Variants in CDK17 observed in about 807,000 individuals in gnomAD.
CDK17 encodes the protein cyclin-dependent kinase 17.
A neutral mutation model predicts 77.6 loss-of-function variants in CDK17; 24 were observed. The ratio of observed to expected loss-of-function variants is 0.31; its 90% CI spans 0.22 to 0.44. CDK17 has a LOEUF of 0.44. Among genes scored for constraint, CDK17 ranks in the 20% least tolerant of loss-of-function variants. The pLI is 1.00. For synonymous variants in CDK17, 203 were observed against 210.4 expected, an observed-to-expected ratio of 0.96 and a Z score of 0.30; for missense variants, 429 against 622.5, an observed-to-expected ratio of 0.69 and a Z score of 3.31.
chr12:96,311,237 C>A, intron 4 of CDK17, 60 bp from the exon 5 acceptor site: 1 of 1,356,876 alleles, frequency 7.4e-7, no homozygotes. Context: ...CTTTTGTATT[C>A]ACAGGCTCTA....
intron 5 of CDK17, among the ~76,000 whole-genome samples, chr12:96,309,481 A>G (rs1952619411): frequency 6.6e-6 from 1 of 152,256 alleles, no homozygotes; most frequent in African/African-American, 2.4e-5. Context: ...AATTTACATT[A>G]AAGTGATACT....
chr12:96,291,281 G>A (rs1047432138), intron 10 of CDK17, among the ~76,000 whole-genome samples: 1 of 152,096 alleles, frequency 6.6e-6, no homozygotes, highest in African/African-American at 2.4e-5. Context: ...CCTGATAAAA[G>A]TAGTTGTTGT....
intron 1 of CDK17, among the ~76,000 whole-genome samples, chr12:96,388,628 T>C (rs1167315746): frequency 2.0e-5 from 3 of 152,214 alleles, no homozygotes; most frequent in Non-Finnish European, 4.4e-5. Flanking sequence ...CCACTACCAA[T>C]AGTTCTTATT....
intron 2 of CDK17, among the ~76,000 whole-genome samples, chr12:96,331,851 T>C (rs370875824): frequency 1.3e-5 from 2 of 152,190 alleles, no homozygotes; most frequent in African/African-American, 2.4e-5. Flanking sequence ...TGATCATGCC[T>C]GTGACTAATC....
intron 5 of CDK17, among the ~76,000 whole-genome samples, chr12:96,304,792 G>A (rs1264262889): frequency 6.6e-6 from 1 of 152,066 alleles, no homozygotes; most frequent in Non-Finnish European, 1.5e-5. Context: ...AATTCTGTGG[G>A]ACTTTGAACC....
intron 1 of CDK17, among the ~76,000 whole-genome samples, chr12:96,335,870 G>C (rs1953034176): frequency 6.6e-6 from 1 of 152,134 alleles, no homozygotes; most frequent in African/African-American, 2.4e-5. Flanking sequence ...TGGCTTACCA[G>C]ATTGCCATGC....
intron 1 of CDK17, among the ~76,000 whole-genome samples, chr12:96,352,237 A>G (rs1443613116): frequency 6.6e-6 from 1 of 152,140 alleles, no homozygotes; most frequent in African/African-American, 2.4e-5. Context: ...AGGCGATGGG[A>G]CCACAGAATG....
Position 96,286,166 on chromosome 12 carries a change from ATT to A in CDK17, c.1217-20_1217-19del. 2.8e-6 allele frequency: 2 copies of A among 703,572 alleles called. No homozygotes were observed. The highest frequency in any genetic ancestry group is 2.1e-6 in the Non-Finnish European group (1 of 481,126). 43.6% of individuals were successfully genotyped at this position (703,572 alleles called of 1,614,324 possible). A position where few individuals can be genotyped will look rare whatever the true frequency, so the allele number is the denominator to read the frequency against. Reference sequence around the variant, plus strand: ...TGGAGTTCCTGAATTAAAAAAAAAAATTAAATATATTTATAAATATATATAAA... The same window carrying A: ...TGGAGTTCCTGAATTAAAAAAAAAAAAAATATATTTATAAATATATATAAA... On this transcript the variant is annotated intron_variant, in intron 12 of 16. Transcript: ENST00000261211.
intron 1 of CDK17, among the ~76,000 whole-genome samples, chr12:96,347,570 A>C (rs1353162384): frequency 9.5e-6 from 1 of 105,008 alleles, no homozygotes; most frequent in South Asian, 4.4e-4. Context: ...AGAAAGGGGA[A>C]GGGAAGGGAG....
intron 4 of CDK17, among the ~76,000 whole-genome samples, chr12:96,312,623 G>A (rs573450446): frequency 3.3e-5 from 5 of 151,830 alleles, no homozygotes; most frequent in African/African-American, 9.7e-5. Context: ...CATCTCAACA[G>A]CACCAAAAAA....
intron 11 of CDK17, among the ~76,000 whole-genome samples, chr12:96,287,712 T>G (rs1197197299): frequency 6.6e-6 from 1 of 152,128 alleles, no homozygotes; most frequent in Non-Finnish European, 1.5e-5. Flanking sequence ...AAGGTATTTG[T>G]ATACCCATGT....
chr12:96,326,810 G>T (rs747258573), intron 2 of CDK17, among the ~76,000 whole-genome samples: 1 of 152,148 alleles, frequency 6.6e-6, no homozygotes, highest in African/African-American at 2.4e-5. Flanking sequence ...CTAACCGTGC[G>T]GGCAACAGTG....
chr12:96,296,572 A>G (rs962998078), intron 9 of CDK17, among the ~76,000 whole-genome samples: 1 of 152,248 alleles, frequency 6.6e-6, no homozygotes, highest in East Asian at 1.9e-4. Context: ...TTTTCAGAAT[A>G]GGTTCTTACA....
chr12:96,289,720 A>G (rs1952296111), intron 10 of CDK17, among the ~76,000 whole-genome samples: 1 of 152,140 alleles, frequency 6.6e-6, no homozygotes, highest in South Asian at 2.1e-4. Flanking sequence ...TCCAACTTTC[A>G]TTTGCTATAC....
At position 96,348,479 on chromosome 12, in the gene CDK17, G is replaced by A. The variant is rs144138282; in HGVS notation, c.-29-13614C>T. Among the ~76,000 whole-genome samples, 17 of 143,116 alleles carry A rather than the reference G, an allele frequency of 1.2e-4. No individual in the cohort carries two copies. In the East Asian group the frequency reaches 1.2e-3, roughly 10 times the overall value. 93.9% of individuals were successfully genotyped at this position (143,116 alleles called of 152,430 possible). A position where few individuals can be genotyped will look rare whatever the true frequency, so the allele number is the denominator to read the frequency against. The stretch of plus-strand genomic sequence containing the variant: ...GTGGAGGTTGCAGCGAGCCGAGGTC[G>A]TGCCACTGCACTGCAGCCTGGGCAA... On this transcript the variant is annotated intron_variant, in intron 1 of 16. Coordinates refer to ENST00000261211, the MANE Select transcript of CDK17 (RefSeq NM_002595.5).
chr12:96,383,036 C>T (rs556660326), intron 1 of CDK17, among the ~76,000 whole-genome samples: 1 of 152,226 alleles, frequency 6.6e-6, no homozygotes, highest in South Asian at 2.1e-4. Flanking sequence ...TGCCAAAAGG[C>T]TCCTAGAACT....
chr12:96,297,126 T>C (rs937595109), intron 9 of CDK17, 144 bp downstream of exon 9: 4 of 534,444 alleles, frequency 7.5e-6, no homozygotes, highest in Non-Finnish European at 1.3e-5. Context: ...TGGGTAAATA[T>C]TGCACGTTCA....
chr12:96,367,632 C>G lies in CDK17; in HGVS notation c.-30+32354G>C, dbSNP rs529689887. Among the ~76,000 whole-genome samples the G allele has an allele frequency of 1.6e-4, 24 of 152,174 alleles. No homozygotes were observed. The East Asian group carries it at 4.6e-3, about 29-fold the overall frequency. ...TCCCTCTTATCAATCCAGTAACTTA[C>G]AGTGTTCCATATGTGAGATTACCTA... On this transcript the variant is annotated intron_variant, in intron 1 of 16. Transcript: ENST00000261211.
chr12:96,291,966 A>G (rs1416742951), intron 10 of CDK17, among the ~76,000 whole-genome samples: 1 of 152,156 alleles, frequency 6.6e-6, no homozygotes, highest in Non-Finnish European at 1.5e-5. Context: ...AGGAGAAGGA[A>G]AAAGAGTGAA....
Sources: gnomAD v4.1 joint callset for allele counts (sites outside exome capture counted in the v4.1 genomes callset) on GRCh38, gnomAD v4.1.1 for gene constraint, MANE v1.5 for transcripts, NCBI Gene and HGNC (gene_info 2026-07-23, HGNC 2026-07-21) for gene names.